The following GABRG3 variants were observed in gnomAD, a reference collection of about 807,000 sequenced individuals.
GABRG3 encodes the protein gamma-aminobutyric acid receptor subunit gamma-3.
GABRG3 carries 25 observed loss-of-function variants against 48.8 expected under a neutral mutation model. The ratio of observed to expected loss-of-function variants is 0.51; its 90% CI spans 0.37 to 0.72. The LOEUF is 0.72. Ranked by LOEUF, GABRG3 falls within the 30% of genes least tolerant of loss-of-function variation. The pLI, the probability that GABRG3 is intolerant of heterozygous loss-of-function variation, is 0.00. For missense variants in GABRG3, 394 were observed against 577.9 expected, an observed-to-expected ratio of 0.68 and a Z score of 3.26; for synonymous variants, 227 against 217.6, an observed-to-expected ratio of 1.04 and a Z score of -0.38.
chr15:27,055,005 T>C (rs895408350), intron 3 of GABRG3, among the ~76,000 whole-genome samples: 6 of 45,472 alleles, frequency 1.3e-4, no homozygotes, highest in African/African-American at 3.5e-4. Context: ...GGCCAAGACC[T>C]GTTTTTTTTT....
chr15:27,306,681 T>TAGA, intron 3 of GABRG3, among the ~76,000 whole-genome samples: 1 of 35,790 alleles, frequency 2.8e-5, no homozygotes, highest in Non-Finnish European at 6.3e-5. Context: ...TATAAACATA[T>TAGA]ATATGAACAT....
intron 3 of GABRG3, among the ~76,000 whole-genome samples, chr15:27,136,788 A>G (rs1898016054): frequency 6.6e-6 from 1 of 152,154 alleles, no homozygotes; most frequent in Non-Finnish European, 1.5e-5. Flanking sequence ...GTAAGTCACA[A>G]CATCTCACAA....
At chr15:27,233,035 C>T (rs530527815) in intron 3 of GABRG3, among the ~76,000 whole-genome samples, 1 of 152,312 alleles carries the variant, frequency 6.6e-6, no homozygotes, top group Non-Finnish European at 1.5e-5. Flanking sequence ...CCCCAGGCAC[C>T]TCCTCTTGTC....
intron 2 of GABRG3, among the ~76,000 whole-genome samples, chr15:27,011,053 G>A (rs907165781): frequency 6.6e-6 from 1 of 152,034 alleles, no homozygotes; most frequent in Admixed American, 6.5e-5. Flanking sequence ...TGCCATGTTG[G>A]ACATTGACAG....
At chr15:27,342,347 T>A in intron 5 of GABRG3, among the ~76,000 whole-genome samples, 1 of 152,256 alleles carries the variant, frequency 6.6e-6, no homozygotes. Context: ...AGCAACCATG[T>A]GAACTCAGCT....
intron 5 of GABRG3, among the ~76,000 whole-genome samples, chr15:27,399,359 C>T (rs937154757): frequency 1.3e-5 from 2 of 152,166 alleles, no homozygotes; most frequent in Admixed American, 6.6e-5. Context: ...GAAATGAACA[C>T]GTGCTTTCTC....
At chr15:27,504,423 T>C (rs1470913604) in intron 6 of GABRG3, among the ~76,000 whole-genome samples, 2 of 152,174 alleles carry the variant, frequency 1.3e-5, no homozygotes, top group East Asian at 3.8e-4. Context: ...TGTATACATC[T>C]TGAACTTACC....
At chr15:27,469,924 G>A (rs959940425) in intron 5 of GABRG3, among the ~76,000 whole-genome samples, 6 of 152,140 alleles carry the variant, frequency 3.9e-5, no homozygotes, top group Admixed American at 3.3e-4. Flanking sequence ...CTGCCTTGAC[G>A]ACATAAGACA....
intron 3 of GABRG3, among the ~76,000 whole-genome samples, chr15:27,029,687 G>T (rs1480227087): frequency 6.6e-6 from 1 of 152,156 alleles, no homozygotes; most frequent in Non-Finnish European, 1.5e-5. Flanking sequence ...GAGACACGAG[G>T]AACCAAGGCC....
chr15:27,421,671 C>T (rs1350836562), intron 5 of GABRG3, among the ~76,000 whole-genome samples: 1 of 151,734 alleles, frequency 6.6e-6, no homozygotes, highest in Non-Finnish European at 1.5e-5. Context: ...TCTGAGGCAT[C>T]CATGCAGTGG....
intron 3 of GABRG3, among the ~76,000 whole-genome samples, chr15:27,298,618 G>T (rs549937811): frequency 6.6e-6 from 1 of 151,960 alleles, no homozygotes; most frequent in African/African-American, 2.4e-5. Context: ...AAACGGAAAG[G>T]TAGCTTCTTG....
At chr15:27,002,744 C>CAAAAAAA (rs71413297) in intron 2 of GABRG3, among the ~76,000 whole-genome samples, 34 of 25,216 alleles carry the variant, frequency 1.3e-3, no homozygotes, top group East Asian at 1.9e-3. Context: ...CCGTGTCTCT[C>CAAAAAAA]AAAAAAAAAA....
At chr15:27,175,220 A>T (rs1288856243) in intron 3 of GABRG3, among the ~76,000 whole-genome samples, 1 of 152,014 alleles carries the variant, frequency 6.6e-6, no homozygotes, top group Non-Finnish European at 1.5e-5. Context: ...TGCAATGTGG[A>T]GCCTGCAGGA....
chr15:27,193,056 T>C (rs901726676), intron 3 of GABRG3, among the ~76,000 whole-genome samples: 7 of 152,216 alleles, frequency 4.6e-5, no homozygotes, highest in African/African-American at 1.7e-4. Context: ...CGAATGCTGC[T>C]GTCTGATCGT....
At chr15:27,309,623 G>A (rs561639446) in intron 3 of GABRG3, among the ~76,000 whole-genome samples, 1 of 152,142 alleles carries the variant, frequency 6.6e-6, no homozygotes, top group South Asian at 2.1e-4. Flanking sequence ...ACGTGATAGT[G>A]CTAAACACCT....
At chr15:27,254,317 C>T (rs969406175) in intron 3 of GABRG3, among the ~76,000 whole-genome samples, 4 of 152,102 alleles carry the variant, frequency 2.6e-5, no homozygotes, top group African/African-American at 9.7e-5. Flanking sequence ...CGAGAAGGCG[C>T]AGGGGAGAGA....
At chr15:27,071,486 T>C (rs1896826522) in intron 3 of GABRG3, among the ~76,000 whole-genome samples, 1 of 152,212 alleles carries the variant, frequency 6.6e-6, no homozygotes, top group Admixed American at 6.5e-5. Flanking sequence ...TTAGGGAAGC[T>C]GGTGCACCTG....
rs1201561918 is a variant in GABRG3 at position 27,066,338 on chromosome 15, T to G, written c.270+39517T>G. Among the ~76,000 whole-genome samples, 3 of 152,230 alleles carry G rather than the reference T, an allele frequency of 2.0e-5. No individual in the cohort carries two copies. The East Asian group carries it at 5.8e-4, about 29-fold the overall frequency. On this transcript the variant is annotated intron_variant, in intron 3 of 9. Transcript: ENST00000615808. Reference sequence around the variant, plus strand: ...CTTGAAGTTGTGTGGCCATTTTTTCTGTGTTTATGTCTTTTGGAGGGATAG... The same window carrying G: ...CTTGAAGTTGTGTGGCCATTTTTTCGGTGTTTATGTCTTTTGGAGGGATAG...
intron 6 of GABRG3, among the ~76,000 whole-genome samples, chr15:27,507,211 A>G (rs919984679): frequency 1.3e-5 from 2 of 152,168 alleles, no homozygotes; most frequent in Non-Finnish European, 2.9e-5. Flanking sequence ...TCTTTTAAAT[A>G]TGTTAAGTTT....
Sources: gnomAD v4.1 joint callset for allele counts (sites outside exome capture counted in the v4.1 genomes callset) on GRCh38, gnomAD v4.1.1 for gene constraint, MANE v1.5 for transcripts, NCBI Gene and HGNC (gene_info 2026-07-23, HGNC 2026-07-21) for gene names.